The following SCARB2 variants were observed in gnomAD, a reference collection of about 807,000 sequenced individuals.
SCARB2 encodes the protein scavenger receptor class B member 2.
Under a neutral mutation model 58.6 loss-of-function variants are expected in SCARB2, and 29 were observed. The observed-to-expected ratio is 0.49, with a 90% CI of 0.37 to 0.67. The LOEUF is 0.67. SCARB2 is among the 30% of genes least tolerant of loss of function. The pLI, the probability that SCARB2 is intolerant of heterozygous loss-of-function variation, is 0.00. For synonymous variants in SCARB2, 195 were observed against 210.1 expected (o/e 0.93, Z 0.62); for missense variants, 488 against 578.5 (o/e 0.84, Z 1.60).
In SCARB2 at chr4:76,233,861, T is replaced by TG. The variant is rs71212406; in HGVS notation, c.-358+441dup. Reference sequence around the variant, plus strand: ...GATAATACAAACAGAGATAGTTGGTTGGGGGGGGCTTGGTTTAGTAAAGCA... The same window carrying TG: ...GATAATACAAACAGAGATAGTTGGTTGGGGGGGGGCTTGGTTTAGTAAAGCA... On this transcript the variant is annotated intron_variant, in intron 1 of 11. Coordinates refer to the SCARB2 transcript ENST00000638295. Among the ~76,000 whole-genome samples the TG allele has an allele frequency of 2.7e-3, 410 of 151,830 alleles. 2 individuals are homozygous for TG. The highest frequency in any genetic ancestry group is 4.6e-3 in the Non-Finnish European group (309 of 67,896).
At chr4:76,202,061 A>G (rs1382476326) in intron 1 of SCARB2, among the ~76,000 whole-genome samples, 37 of 152,358 alleles carry the variant, frequency 2.4e-4, no homozygotes, top group Non-Finnish European at 1.5e-5. Context: ...AAGCAATAAA[A>G]CATCACATTT....
chr4:76,179,358 GT>G (rs1159893038), intron 4 of SCARB2, 158 bp downstream of exon 4: 18 of 648,528 alleles, frequency 2.8e-5, no homozygotes, highest in Admixed American at 5.4e-5. Context: ...CCGGCCTCAA[GT>G]TTTTTTTCTT....
chr4:76,223,980 G>T (rs1169310643), intron 1 of SCARB2, among the ~76,000 whole-genome samples: 1 of 152,128 alleles, frequency 6.6e-6, no homozygotes, highest in Non-Finnish European at 1.5e-5. Flanking sequence ...TGATGATGTT[G>T]GGGGAATGTA....
chr4:76,209,693 A>G (rs2109970702), intron 1 of SCARB2, among the ~76,000 whole-genome samples: 1 of 152,226 alleles, frequency 6.6e-6, no homozygotes, highest in East Asian at 1.9e-4. Flanking sequence ...AGGAATCGGT[A>G]GAACAGCTCC....
chr4:76,228,589 A>C (rs1441903), intron 1 of SCARB2, among the ~76,000 whole-genome samples: 23,619 of 151,828 alleles, frequency 0.16, 2,135 homozygotes, highest in East Asian at 0.35. Context: ...AAAATACTTT[A>C]TCTCTTATTT....
At position 76,161,744 on chromosome 4, in the gene SCARB2, G is replaced by A. The variant is rs752295374; in HGVS notation, c.1406C>T (p.Ala469Val). Residue 469 changes from alanine (A) to valine (V), a missense_variant, in exon 12 of 12, where the codon GCG (alanine) becomes GTG (valine). Coordinates refer to ENST00000264896, the MANE Select transcript of SCARB2 (RefSeq NM_005506.4). ...TCGAATGAGGGGTGCTCTTTCATCC[G>A]CTGTTCCCTGAAACACAGAAGAGAG... ...KGQGSMDEGTADERAPLIRT is the reference protein window; with the variant it reads ...KGQGSMDEGTVDERAPLIRT 3.6e-5 allele frequency: 58 copies of A among 1,613,950 alleles called. No individual in the cohort carries two copies. The highest frequency in any genetic ancestry group is 2.7e-5 in the Non-Finnish European group (32 of 1,179,996).
upstream of SCARB2, among the ~76,000 whole-genome samples, chr4:76,216,463 C>T (rs974743596): frequency 2.5e-4 from 38 of 152,188 alleles, no homozygotes; most frequent in Admixed American, 2.3e-3. Flanking sequence ...TCCATAGGTA[C>T]CCACTCCTCC....
chr4:76,180,843 T>C (rs1732367280), intron 3 of SCARB2, 111 bp downstream of exon 3: 2 of 846,752 alleles, frequency 2.4e-6, no homozygotes, highest in Admixed American at 2.7e-5. Context: ...TTTATATATG[T>C]ATATTTCAAC....
chr4:76,207,039 A>T (rs1732943700), intron 1 of SCARB2, among the ~76,000 whole-genome samples: 1 of 152,238 alleles, frequency 6.6e-6, no homozygotes, highest in African/African-American at 2.4e-5. Context: ...CTAAAAAAAT[A>T]ATTAAATGAA....
In SCARB2 at chr4:76,213,798, C is replaced by A. The variant is rs567795787; in HGVS notation, c.-255G>T. On this transcript the variant is annotated 5_prime_UTR_variant, in exon 1 of 12. Transcript: ENST00000264896. ...GGTTTCCTTCGCCGGGCAGCCGTGG[C>A]GCCCGCCTAGCGCAGCTCGGGAGAG... is the stretch of plus-strand genomic sequence containing the variant. 1.9e-4 allele frequency: 71 copies of A among 376,052 alleles called. No individual in the cohort carries two copies. Among genetic ancestry groups the A allele is most frequent in the African/African-American group, 1.4e-3 (64 of 45,678 alleles). The allele number at this position is 376,052 out of a possible 1,614,324, so 23.3% of individuals were successfully genotyped here.
chr4:76,174,449 G>A (rs1732205109), intron 6 of SCARB2, 136 bp from the exon 7 acceptor site: 5 of 756,780 alleles, frequency 6.6e-6, no homozygotes, highest in Non-Finnish European at 1.2e-5. Flanking sequence ...ATGTTTGGAA[G>A]GCATTCTGTC....
rs141208366 is a variant in SCARB2, at chr4:76,179,562, A to G, written c.567T>C (p.His189=). ...AGGGAGAGATATCGGGCCTGAAAAC[A>G]TGGATAAGGGACAAGATTTCATCTT... is the stretch of plus-strand genomic sequence containing the variant. ...GYKDEILSLI[H]VFRPDISPYF... is the part of the protein sequence containing the mutation. Residue 189 remains histidine (H), a synonymous_variant, in exon 4 of 12, where the codon CAT becomes CAC. Transcript: ENST00000264896. The G allele has an allele frequency of 1.6e-4, 251 of 1,614,226 alleles. 1 individual carries two copies. In the Middle Eastern group the frequency reaches 2.3e-3, roughly 15 times the overall value.
At chr4:76,171,445 G>C (rs748722500) in intron 7 of SCARB2, among the ~76,000 whole-genome samples, 1 of 152,144 alleles carries the variant, frequency 6.6e-6, no homozygotes, top group Middle Eastern at 3.2e-3. Context: ...CAATCTGCCT[G>C]ACTCCAGAAC....
At chr4:76,232,937 C>T (rs910942334) in intron 1 of SCARB2, among the ~76,000 whole-genome samples, 17 of 152,160 alleles carry the variant, frequency 1.1e-4, no homozygotes, top group African/African-American at 4.1e-4. Context: ...ATTTAGTTAA[C>T]ATGGTCACAG....
chr4:76,225,430 T>C (rs961606344), intron 1 of SCARB2, among the ~76,000 whole-genome samples: 1 of 152,224 alleles, frequency 6.6e-6, no homozygotes, highest in Admixed American at 6.5e-5. Flanking sequence ...CAATGTTGAA[T>C]AGCAGTGATG....
intron 1 of SCARB2, among the ~76,000 whole-genome samples, chr4:76,226,442 T>C (rs1733400058): frequency 6.6e-6 from 1 of 152,064 alleles, no homozygotes; most frequent in Non-Finnish European, 1.5e-5. Context: ...GGCCAGTGAG[T>C]CTGGACACAT....
At chr4:76,184,785 C>CA (rs35947779) in intron 2 of SCARB2, 10,696 of 318,194 alleles carry the variant, frequency 0.034, no homozygotes, top group South Asian at 0.043. Flanking sequence ...TTGTCTCTAC[C>CA]AAAAAAAAAA....
At chr4:76,220,995 A>G (rs909542742) in intron 1 of SCARB2, among the ~76,000 whole-genome samples, 1 of 152,030 alleles carries the variant, frequency 6.6e-6, no homozygotes, top group Non-Finnish European at 1.5e-5. Context: ...CCCATGGGAA[A>G]CTGTACAACT....
At position 76,168,385 on chromosome 4, in the gene SCARB2, G is replaced by A. The variant is rs202159028; in HGVS notation, c.1187+18C>T. ...GAGCAAAACTGCTGTCCCCTCCATA[G>A]AAAGAAGCAAAACTTACACAAAGTC... On this transcript the variant is annotated intron_variant, in intron 9 of 11. Transcript: ENST00000264896. 198 of 1,607,712 alleles carry A rather than the reference G, an allele frequency of 1.2e-4. No homozygotes were observed. The highest frequency in any genetic ancestry group is 4.9e-4 in the Middle Eastern group (3 of 6,078).
Sources: gnomAD v4.1 joint callset for allele counts (sites outside exome capture counted in the v4.1 genomes callset) on GRCh38, gnomAD v4.1.1 for gene constraint, MANE v1.5 for transcripts, NCBI Gene and HGNC (gene_info 2026-07-23, HGNC 2026-07-21) for gene names.